Variants in NRG3 observed in about 807,000 individuals in gnomAD.
The protein encoded by NRG3 is pro-neuregulin-3, membrane-bound isoform.
A neutral mutation model predicts 66.9 loss-of-function variants in NRG3; 31 were observed. That is an observed-to-expected ratio of 0.46 (90% CI 0.35 to 0.63). The LOEUF (loss-of-function observed/expected upper bound fraction) is 0.63. Among genes scored for constraint, NRG3 ranks in the 20% least tolerant of loss-of-function variants. NRG3 has a pLI of 0.00. For synonymous variants in NRG3, 393 were observed against 359.4 expected (o/e 1.09, Z -1.06); for missense variants, 910 against 878.9 (o/e 1.04, Z -0.45).
chr10:82,404,244 C>A (rs190394154), intron 2 of NRG3, among the ~76,000 whole-genome samples: 1 of 152,018 alleles, frequency 6.6e-6, no homozygotes, highest in Non-Finnish European at 1.5e-5. Context: ...CATTGCTCAC[C>A]CCTTCGGGAT....
chr10:81,904,567 T>A (rs983130726), intron 1 of NRG3, among the ~76,000 whole-genome samples: 1 of 152,136 alleles, frequency 6.6e-6, no homozygotes, highest in African/African-American at 2.4e-5. Flanking sequence ...CTACGCCTGT[T>A]CTTAATTCTA....
At chr10:82,447,356 G>A (rs2090784013) in intron 2 of NRG3, among the ~76,000 whole-genome samples, 1 of 152,150 alleles carries the variant, frequency 6.6e-6, no homozygotes, top group African/African-American at 2.4e-5. Context: ...AGCTGAGGCA[G>A]GAGGATCTCT....
intron 2 of NRG3, among the ~76,000 whole-genome samples, chr10:82,701,135 T>C (rs1025613147): frequency 2.6e-5 from 4 of 152,086 alleles, no homozygotes; most frequent in Admixed American, 6.6e-5. Context: ...TATATTTTAA[T>C]CATTATAATA....
At chr10:82,713,117 C>A (rs2056769711) in intron 2 of NRG3, among the ~76,000 whole-genome samples, 2 of 29,734 alleles carry the variant, frequency 6.7e-5, no homozygotes. Context: ...GAGACTTCAT[C>A]TCAAAAAAAA....
intron 2 of NRG3, among the ~76,000 whole-genome samples, chr10:82,564,658 C>T (rs2045276886): frequency 6.6e-6 from 1 of 152,030 alleles, no homozygotes; most frequent in Admixed American, 6.6e-5. Context: ...TCTTAAGATT[C>T]CAGGTGAATC....
intron 2 of NRG3, among the ~76,000 whole-genome samples, chr10:82,410,246 CT>C (rs2087956099): frequency 6.6e-6 from 1 of 151,976 alleles, no homozygotes. Context: ...AATTCCAGCA[CT>C]TTTGGAGGCC....
chr10:82,192,567 A>C (rs963533563), intron 1 of NRG3, among the ~76,000 whole-genome samples: 2 of 152,146 alleles, frequency 1.3e-5, no homozygotes, highest in African/African-American at 2.4e-5. Context: ...CAGGTAAAAA[A>C]ATTCCCTGCA....
At chr10:82,160,560 C>A (rs1385096119) in intron 1 of NRG3, among the ~76,000 whole-genome samples, 1 of 151,594 alleles carries the variant, frequency 6.6e-6, no homozygotes, top group Non-Finnish European at 1.5e-5. Context: ...GGCTAGAGTG[C>A]AGTGGTGCAA....
intron 1 of NRG3, among the ~76,000 whole-genome samples, chr10:82,252,800 A>G (rs549849126): frequency 5.3e-5 from 8 of 152,324 alleles, no homozygotes; most frequent in African/African-American, 1.9e-4. Context: ...TAGTGGGTAC[A>G]GAATAATGCC....
chr10:82,094,121 C>G (rs1194923377), intron 1 of NRG3, among the ~76,000 whole-genome samples: 1 of 151,966 alleles, frequency 6.6e-6, no homozygotes, highest in Non-Finnish European at 1.5e-5. Context: ...TTGAAAGAGA[C>G]TTTGAGAGCC....
At chr10:82,414,400 C>T (rs556393954) in intron 2 of NRG3, among the ~76,000 whole-genome samples, 19 of 152,046 alleles carry the variant, frequency 1.2e-4, no homozygotes, top group Admixed American at 7.2e-4. Context: ...AAGACATTTA[C>T]GGTAGTAACC....
intron 4 of NRG3, 143 bp downstream of exon 4, chr10:82,865,580 T>G: frequency 1.4e-6 from 1 of 728,844 alleles, no homozygotes; most frequent in East Asian, 2.9e-5. Flanking sequence ...CTTGTCGAGT[T>G]TTCACTAAGT....
At chr10:82,759,991 T>C (rs758842005) in intron 3 of NRG3, among the ~76,000 whole-genome samples, 3 of 152,086 alleles carry the variant, frequency 2.0e-5, no homozygotes, top group Non-Finnish European at 4.4e-5. Flanking sequence ...AGTTTGGAAT[T>C]AATGTGTAGC....
At chr10:82,841,883 C>T (rs889469785) in intron 3 of NRG3, among the ~76,000 whole-genome samples, 3 of 152,154 alleles carry the variant, frequency 2.0e-5, no homozygotes. Flanking sequence ...TTCTTTCTCT[C>T]ATCATGGCCA....
intron 2 of NRG3, among the ~76,000 whole-genome samples, chr10:82,471,085 G>A (rs539009298): frequency 4.6e-5 from 7 of 152,198 alleles, no homozygotes; most frequent in African/African-American, 9.6e-5. Flanking sequence ...AGCTAAAAAC[G>A]GGATCCTTGT....
intron 2 of NRG3, among the ~76,000 whole-genome samples, chr10:82,674,696 AGAATGTT>A (rs374797986): frequency 6.6e-6 from 1 of 152,216 alleles, no homozygotes; most frequent in African/African-American, 2.4e-5. Context: ...AGGTAAAGTG[AGAATGTT>A]GTGCTGGATG....
At chr10:82,324,040 T>C (rs908331897) in intron 1 of NRG3, among the ~76,000 whole-genome samples, 1 of 152,116 alleles carries the variant, frequency 6.6e-6, no homozygotes, top group South Asian at 2.1e-4. Flanking sequence ...AATTTTTGTA[T>C]TTTTTGTAGA....
intron 2 of NRG3, among the ~76,000 whole-genome samples, chr10:82,737,657 A>G (rs1406480611): frequency 1.3e-5 from 2 of 152,168 alleles, no homozygotes; most frequent in Non-Finnish European, 2.9e-5. Context: ...CGAGCAGACC[A>G]GTAAATGCCA....
At chr10:82,044,135 G>A (rs2063158477) in intron 1 of NRG3, among the ~76,000 whole-genome samples, 1 of 135,370 alleles carries the variant, frequency 7.4e-6, no homozygotes, top group Admixed American at 8.2e-5. Flanking sequence ...CAAATATGGT[G>A]AGCTAACCGA....
Sources: gnomAD v4.1 joint callset for allele counts (sites outside exome capture counted in the v4.1 genomes callset) on GRCh38, gnomAD v4.1.1 for gene constraint, MANE v1.5 for transcripts, NCBI Gene and HGNC (gene_info 2026-07-23, HGNC 2026-07-21) for gene names.